The following ZNF333 variants were observed in gnomAD, a reference collection of about 807,000 sequenced individuals.
The protein encoded by ZNF333 is zinc finger protein 333.
A neutral mutation model predicts 76.1 loss-of-function variants in ZNF333; 61 were observed. That is an observed-to-expected ratio of 0.80 (90% CI 0.65 to 0.99). The LOEUF (loss-of-function observed/expected upper bound fraction) is 0.99. Ranked by LOEUF, ZNF333 falls within the 50% of genes least tolerant of loss-of-function variation. The pLI is 0.00. For synonymous variants in ZNF333, 284 were observed against 305.0 expected, an observed-to-expected ratio of 0.93 and a Z score of 0.72; for missense variants, 717 against 822.4, an observed-to-expected ratio of 0.87 and a Z score of 1.57.
rs1274482863 is a variant in ZNF333, at chr19:14,721,791, T to C, written c.*2466T>C. Reference sequence around the variant, plus strand: ...AGATATACCACATTTTCTTTATCCATTCATCCACCGATGGACAGTTAGGTT... The same window carrying C: ...AGATATACCACATTTTCTTTATCCACTCATCCACCGATGGACAGTTAGGTT... On this transcript the variant is annotated 3_prime_UTR_variant, in exon 12 of 12. Transcript: ENST00000292530. 1.3e-5 allele frequency: 2 copies of C among 152,076 alleles called. No homozygotes were observed. The highest frequency in any genetic ancestry group is 2.9e-5 in the Non-Finnish European group (2 of 68,010). The allele number at this position is 152,076 out of a possible 1,614,324, so 9.4% of individuals were successfully genotyped here.
intron 9 of ZNF333, among the ~76,000 whole-genome samples, chr19:14,716,704 T>C (rs1476802422): frequency 1.3e-5 from 2 of 152,260 alleles, no homozygotes; most frequent in Admixed American, 1.3e-4. Context: ...GGAATGAAGA[T>C]CTTTTTACTG....
At chr19:14,696,551 G>A (rs1973207631) in intron 4 of ZNF333, among the ~76,000 whole-genome samples, 1 of 152,014 alleles carries the variant, frequency 6.6e-6, no homozygotes. Context: ...AGGCTGGGAA[G>A]TCTAAGGCTG....
rs1178949326 is a variant in ZNF333 at position 14,705,150 on chromosome 19, C to T, written c.403C>T (p.Pro135Ser). ...GGACCGGCCAGCTCTCCAGGAGCCG[C>T]CTTGGTCTCTGGGATGCACGGTAAG... is the stretch of plus-strand genomic sequence containing the variant. The part of the protein sequence containing the change: ...REDRPALQEP[P>S]WSLGCTGLKA... Residue 135 changes from proline (P) to serine (S), a missense_variant, in exon 6 of 12, where the codon CCT becomes TCT. Coordinates refer to ENST00000292530, the MANE Select transcript of ZNF333 (RefSeq NM_032433.4). The T allele has an allele frequency of 5.6e-6, 9 of 1,613,612 alleles. No homozygotes were observed. The highest frequency in any genetic ancestry group is 7.6e-6 in the Non-Finnish European group (9 of 1,179,880).
Position 14,720,375 on chromosome 19 carries a change from C to A in ZNF333, c.*1050C>A. 1.0e-6 allele frequency: 1 copy of A among 985,422 alleles called. No homozygotes were observed. The highest frequency in any genetic ancestry group is 4.7e-5 in the South Asian group (1 of 21,294). 61.0% of individuals were successfully genotyped at this position (985,422 alleles called of 1,614,324 possible). ...ACTTCTTGCCTTTTGGACAAGTAGA[C>A]ATGATTTCTAGACCTAGAGGAGCCC... On this transcript the variant is annotated 3_prime_UTR_variant, in exon 12 of 12. Coordinates refer to ENST00000292530, the MANE Select transcript of ZNF333 (RefSeq NM_032433.4).
At chr19:14,730,712 A>G (rs2042663527) in intron 11 of ZNF333, among the ~76,000 whole-genome samples, 1 of 152,078 alleles carries the variant, frequency 6.6e-6, no homozygotes, top group Non-Finnish European at 1.5e-5. Flanking sequence ...GGTTTGTTAC[A>G]AGAGTATATT....
At chr19:14,725,178 C>G (rs550886948), downstream of ZNF333, among the ~76,000 whole-genome samples, 1 of 152,080 alleles carries the variant, frequency 6.6e-6, no homozygotes, top group Non-Finnish European at 1.5e-5. Flanking sequence ...AGATTGCATG[C>G]TCTTTTAAAC....
chr19:14,725,249 G>C (rs2042626497), downstream of ZNF333, among the ~76,000 whole-genome samples: 1 of 152,138 alleles, frequency 6.6e-6, no homozygotes, highest in Non-Finnish European at 1.5e-5. Flanking sequence ...ATGACACTAA[G>C]CCATTCATGA....
intron 6 of ZNF333, among the ~76,000 whole-genome samples, chr19:14,705,807 C>T (rs956395348): frequency 6.6e-6 from 1 of 152,146 alleles, no homozygotes; most frequent in African/African-American, 2.4e-5. Flanking sequence ...TTATGAGAAT[C>T]TAACTAATGC....
chr19:14,694,149 A>G (rs7253032), intron 2 of ZNF333, among the ~76,000 whole-genome samples: 107,620 of 152,096 alleles, frequency 0.71, 39,301 homozygotes, highest in African/African-American at 0.87. Flanking sequence ...GTTGGACAGC[A>G]CTGCTCTGAA....
chr19:14,716,773 C>T (rs2042442747), intron 9 of ZNF333, among the ~76,000 whole-genome samples: 1 of 152,186 alleles, frequency 6.6e-6, no homozygotes, highest in Non-Finnish European at 1.5e-5. Flanking sequence ...TTAGCTAGGC[C>T]CTTGGTTTTG....
At chr19:14,713,882 G>A (rs2042347884) in intron 7 of ZNF333, among the ~76,000 whole-genome samples, 1 of 152,170 alleles carries the variant, frequency 6.6e-6, no homozygotes, top group African/African-American at 2.4e-5. Context: ...GATCACTTGG[G>A]CCCAGGAGTT....
At chr19:14,706,962 T>A (rs1255365929) in intron 7 of ZNF333, 189 bp downstream of exon 7, 12 of 530,864 alleles carry the variant, frequency 2.3e-5, no homozygotes, top group Middle Eastern at 4.8e-4. Context: ...CAGTGACAGA[T>A]CTTTAAGAAA....
Position 14,719,059 on chromosome 19 carries a change from A to G in ZNF333, c.1732A>G (p.Arg578Gly). The G allele has an allele frequency of 6.2e-7, 1 of 1,614,224 alleles. No homozygotes were observed. The highest frequency in any genetic ancestry group is 8.5e-7 in the Non-Finnish European group (1 of 1,180,030). Residue 578 changes from arginine to glycine, a missense_variant, in exon 12 of 12, where the codon AGG (arginine) becomes GGG (glycine). Transcript: ENST00000292530. ...AGCCTTCAGTGAGCCCTCATCCCTCAGGAAACATGCAAGGACTCACAGTGG... is the reference window on the plus strand; with the variant it reads ...AGCCTTCAGTGAGCCCTCATCCCTCGGGAAACATGCAAGGACTCACAGTGG... ...GRAFSEPSSL[R>G]KHARTHSGKK... is the part of the protein sequence containing the mutation.
At chr19:14,725,021 C>T (rs947324845), downstream of ZNF333, among the ~76,000 whole-genome samples, 23 of 152,236 alleles carry the variant, frequency 1.5e-4, 1 homozygote, top group African/African-American at 4.6e-4. Flanking sequence ...AGAGGTTTAA[C>T]GGGCTCACGG....
intron 2 of ZNF333, 23 bp from the exon 3 acceptor site, chr19:14,694,987 C>T (rs781740327): frequency 2.0e-5 from 33 of 1,613,812 alleles, no homozygotes; most frequent in Non-Finnish European, 2.8e-5. Flanking sequence ...ATTTGCCGAG[C>T]CAGAATGTGT....
At position 14,730,614 on chromosome 19, in the gene ZNF333, A is replaced by G. The variant is rs527345557; in HGVS notation, c.901-561A>G. On this transcript the variant is annotated intron_variant, in intron 11 of 11. Coordinates refer to the ZNF333 transcript ENST00000540689. The stretch of plus-strand genomic sequence containing the variant: ...TAAAGCTAGCAAAGCAGTTTGTAAT[A>G]ACCCAAACTGGGAACAACCCAAATG... Among the ~76,000 whole-genome samples the G allele has an allele frequency of 6.4e-4, 98 of 152,166 alleles. 1 individual carries two copies. Among genetic ancestry groups the G allele is most frequent in the Non-Finnish European group, 1.2e-3 (85 of 68,030 alleles).
chr19:14,706,938 T>C (rs1004929192), intron 7 of ZNF333, 165 bp downstream of exon 7: 9 of 561,914 alleles, frequency 1.6e-5, no homozygotes, highest in Middle Eastern at 4.7e-4. Flanking sequence ...TGTGTTTAAG[T>C]GGGAGGGCAC....
At position 14,698,170 on chromosome 19, in the gene ZNF333, C is replaced by A. The variant is rs370371514; in HGVS notation, c.224-1029C>A. On this transcript the variant is annotated intron_variant, in intron 4 of 11. Transcript: ENST00000292530. ...GGTGGATCACTTCAGGTCAGGAGTTCGAGACCAGCCTGGCCCAACATGGTG... is the reference window on the plus strand; with the variant it reads ...GGTGGATCACTTCAGGTCAGGAGTTAGAGACCAGCCTGGCCCAACATGGTG... 3.3e-5 allele frequency among the ~76,000 whole-genome samples: 5 copies of A among 151,520 alleles called. No homozygotes were observed. The East Asian group carries it at 9.8e-4, about 30-fold the overall frequency.
chr19:14,700,816 CTGTGTCATGGATGGG>C (rs2041934816), intron 5 of ZNF333, among the ~76,000 whole-genome samples: 1 of 152,196 alleles, frequency 6.6e-6, no homozygotes, highest in Admixed American at 6.5e-5. Context: ...GCCCCTTCCC[CTGTGTCATGGATGGG>C]TGTCAGCATC....
Sources: allele counts gnomAD v4.1 joint callset (sites outside exome capture counted in the v4.1 genomes callset), GRCh38; gene constraint gnomAD v4.1.1; transcripts MANE v1.5; gene names NCBI Gene and HGNC (gene_info 2026-07-23, HGNC 2026-07-21).